The following AAR2 variants were observed in gnomAD, a reference collection of about 807,000 sequenced individuals.
AAR2 encodes AAR2 splicing factor.
A neutral mutation model predicts 26.9 loss-of-function variants in AAR2; 31 were observed. That is an observed-to-expected ratio of 1.15 (90% confidence interval 0.86 to 1.55). The LOEUF is 1.55. Ranked by LOEUF, AAR2 falls within the 40% of genes most tolerant of loss-of-function variation. AAR2 has a pLI of 0.00. For synonymous variants in AAR2, 188 were observed against 196.1 expected (o/e 0.96, Z 0.34); for missense variants, 430 against 491.3 (o/e 0.88, Z 1.18).
At chr20:36,242,484 G>A (rs1257024377) in intron 2 of AAR2, among the ~76,000 whole-genome samples, 5 of 151,876 alleles carry the variant, frequency 3.3e-5, no homozygotes, top group African/African-American at 1.2e-4. Context: ...TCCGCCTCCC[G>A]GGTTCACGCC....
At chr20:36,246,073 T>G (rs1402850888) in intron 3 of AAR2, among the ~76,000 whole-genome samples, 2 of 152,120 alleles carry the variant, frequency 1.3e-5, no homozygotes, top group Non-Finnish European at 2.9e-5. Context: ...TTATTCCCAT[T>G]TTACAAATGG....
At position 36,240,005 on chromosome 20, in the gene AAR2, G is replaced by A. The variant is rs772963408; in HGVS notation, c.137G>A (p.Arg46Gln). 7.2e-5 allele frequency: 117 copies of A among 1,614,070 alleles called. No homozygotes were observed. In the South Asian group the frequency reaches 1.1e-3, roughly 15 times the overall value. ...YNSWEVGPKF[R>Q]GVKMIPPGIH... ...TCCTGGGAGGTCGGGCCCAAGTTCC[G>A]GGGCGTGAAGATGATCCCTCCAGGC... The change falls in exon 2 of 4, where the codon CGG becomes CAG. Residue 46 changes from arginine to glutamine, a missense_variant. Arg to Gln is a conservative substitution (Grantham distance 43). Transcript: ENST00000320849.
At chr20:36,249,484 C>T (rs2064764775) in intron 3 of AAR2, among the ~76,000 whole-genome samples, 1 of 152,140 alleles carries the variant, frequency 6.6e-6, no homozygotes, top group Non-Finnish European at 1.5e-5. Context: ...TTACAATAGG[C>T]CGTATATGCT....
chr20:36,245,186 A>G (rs527310640), intron 3 of AAR2, among the ~76,000 whole-genome samples: 5 of 152,078 alleles, frequency 3.3e-5, no homozygotes, highest in Non-Finnish European at 5.9e-5. Flanking sequence ...AATTCCTCCC[A>G]CTGCTTTGGT....
chr20:36,240,380 A>G lies in AAR2; in HGVS notation c.512A>G (p.Lys171Arg), dbSNP rs778338068. The change falls in exon 2 of 4, where the codon AAG (lysine) becomes AGG (arginine). Residue 171 changes from lysine (K) to arginine (R), a missense_variant. Lys to Arg is a conservative substitution (Grantham distance 26). Transcript: ENST00000320849. Reference sequence around the variant, plus strand: ...CCTGTGCTCTCCATGAAGCACACCAAGGACCGCGTGGGGCAGAATCTACCC... The same window carrying G: ...CCTGTGCTCTCCATGAAGCACACCAGGGACCGCGTGGGGCAGAATCTACCC... ...VLPVLSMKHT[K>R]DRVGQNLPRC... 16 of 1,614,114 alleles carry G rather than the reference A, an allele frequency of 9.9e-6. No homozygotes were observed. The highest frequency in any genetic ancestry group is 1.6e-4 in the Middle Eastern group (1 of 6,084).
At position 36,240,237 on chromosome 20, in the gene AAR2, G is replaced by C; in HGVS notation, c.369G>C (p.Gly123=). ...TCCAGGAGCTGGACCAGTTCCTGGG[G>C]CCTTACCCATATGCCACCCTGAAGA... ...ANLQELDQFL[G]PYPYATLKKW... is the part of the protein sequence containing the mutation. The change falls in exon 2 of 4, where the codon GGG becomes GGC. Residue 123 remains glycine, a synonymous_variant. Transcript: ENST00000320849. 6.2e-7 allele frequency: 1 copy of C among 1,614,214 alleles called. No individual in the cohort carries two copies. The highest frequency in any genetic ancestry group is 1.3e-5 in the African/African-American group (1 of 75,054).
At position 36,240,175 on chromosome 20, in the gene AAR2, GC is replaced by G. The variant is rs754532671; in HGVS notation, c.311del (p.Pro104GlnfsTer8). On this transcript the variant is annotated frameshift_variant, in exon 2 of 4. Transcript: ENST00000320849. LOFTEE classifies it high-confidence loss of function. ...CAGGGAAGAGGTAGACCTGTCCCCA[GC>G]CCCAGAGTCTGAGGTGGAGGCCATG... is the stretch of plus-strand genomic sequence containing the variant. ...TLREEVDLSP[A>X]PESEVEAMRA... The G allele has an allele frequency of 6.2e-6, 10 of 1,614,186 alleles. No individual in the cohort carries two copies. Among genetic ancestry groups the G allele is most frequent in the Non-Finnish European group, 8.5e-6 (10 of 1,180,012 alleles).
At chr20:36,251,666 G>A (rs965913303) in intron 3 of AAR2, among the ~76,000 whole-genome samples, 1 of 152,246 alleles carries the variant, frequency 6.6e-6, no homozygotes, top group African/African-American at 2.4e-5. Flanking sequence ...TCTTACCTCT[G>A]CAGTGGGAAT....
In AAR2 at chr20:36,239,801, C is replaced by T; in HGVS notation, c.-48-20C>T. On this transcript the variant is annotated intron_variant, in intron 1 of 3. Coordinates refer to ENST00000320849, the MANE Select transcript of AAR2 (RefSeq NM_001271874.2). Reference sequence around the variant, plus strand: ...TCTTTCCCCCACGTTCTGATTAACTCTGGTTTCTTTCTTTCTCAGCTGTTC... The same window carrying T: ...TCTTTCCCCCACGTTCTGATTAACTTTGGTTTCTTTCTTTCTCAGCTGTTC... 1.3e-6 allele frequency: 2 copies of T among 1,502,360 alleles called. No homozygotes were observed. Among genetic ancestry groups the T allele is most frequent in the South Asian group, 1.4e-5 (1 of 73,376 alleles). The allele number at this position is 1,502,360 out of a possible 1,614,324, so 93.1% of individuals were successfully genotyped here.
rs138831175 is a variant in AAR2 at position 36,252,247 on chromosome 20, A to G, written c.988-3331A>G. On this transcript the variant is annotated intron_variant, in intron 3 of 3. Transcript: ENST00000320849. ...ATCACCATATCACTATTGAACAGCT[A>G]TTTGGTGCTAGGCACTGTACAAAAG... Among the ~76,000 whole-genome samples the G allele has an allele frequency of 7.9e-5, 12 of 152,270 alleles. No homozygotes were observed. The East Asian group carries it at 1.7e-3, about 22-fold the overall frequency.
rs548506013 is a variant in AAR2, at chr20:36,240,136, C to T, written c.268C>T (p.Arg90Cys). ...SLHQRGLTVL[R>C]WSTLREEVDL... ...GCACCAGCGGGGGCTGACAGTGCTGCGCTGGAGCACACTCAGGGAAGAGGT... is the reference window on the plus strand; with the variant it reads ...GCACCAGCGGGGGCTGACAGTGCTGTGCTGGAGCACACTCAGGGAAGAGGT... Residue 90 changes from arginine to cysteine, a missense_variant, in exon 2 of 4, where the codon CGC becomes TGC. By Grantham distance (180) the Arg-to-Cys change is radical (BLOSUM62 -3). Coordinates refer to ENST00000320849, the MANE Select transcript of AAR2 (RefSeq NM_001271874.2). 160 of 1,614,178 alleles carry T rather than the reference C, an allele frequency of 9.9e-5. 2 individuals are homozygous for T. In the South Asian group the frequency reaches 1.2e-3, roughly 12 times the overall value.
intron 3 of AAR2, among the ~76,000 whole-genome samples, chr20:36,253,977 C>G (rs375078061): frequency 1.3e-5 from 2 of 152,116 alleles, no homozygotes; most frequent in Non-Finnish European, 2.9e-5. Flanking sequence ...AAATGAGAAC[C>G]TTTGTGCATT....
chr20:36,239,904 G>A lies in AAR2; in HGVS notation c.36G>A (p.Lys12=), dbSNP rs1350099527. The A allele has an allele frequency of 5.0e-6, 8 of 1,606,274 alleles. No homozygotes were observed. The highest frequency in any genetic ancestry group is 1.1e-5 in the South Asian group (1 of 90,764). The stretch of plus-strand genomic sequence containing the variant: ...TGCAGATGGATCCTGAGCTAGCCAA[G>A]CGCCTCTTCTTTGAAGGGGCCACTG... ...AAVQMDPELA[K]RLFFEGATVV... is the part of the protein sequence containing the mutation. The change falls in exon 2 of 4, where the codon AAG becomes AAA. Residue 12 remains lysine (K), a synonymous_variant. Transcript: ENST00000320849.
In AAR2 at chr20:36,256,311, C is replaced by G. The variant is rs2064821152; in HGVS notation, c.*566C>G. 6.6e-6 allele frequency: 1 copy of G among 152,466 alleles called. No homozygotes were observed. Among genetic ancestry groups the G allele is most frequent in the Non-Finnish European group, 1.5e-5 (1 of 68,272 alleles). The allele number at this position is 152,466 out of a possible 1,614,324, so 9.4% of individuals were successfully genotyped here. On this transcript the variant is annotated 3_prime_UTR_variant, in exon 4 of 4. Transcript: ENST00000320849. ...GGGAAGAGAGTTTCAAGGGAGGCAG[C>G]TGGATTCAATCTAGCAGGTGGTCAG...
rs1248627071 is a variant in AAR2, at chr20:36,256,675, T to C, written c.*930T>C. ...GCTGTGGAGCTGTCAGTCACCGGAG[T>C]AATGAGCTCCTGGTTCCTCGGGAGT... On this transcript the variant is annotated 3_prime_UTR_variant, in exon 4 of 4. Transcript: ENST00000320849. 6.6e-6 allele frequency: 1 copy of C among 152,354 alleles called. No individual in the cohort carries two copies. The highest frequency in any genetic ancestry group is 2.4e-5 in the African/African-American group (1 of 41,440). 9.4% of individuals were successfully genotyped at this position (152,354 alleles called of 1,614,324 possible).
At chr20:36,241,775 T>C (rs764489578) in intron 2 of AAR2, among the ~76,000 whole-genome samples, 1 of 152,134 alleles carries the variant, frequency 6.6e-6, no homozygotes, top group Admixed American at 6.5e-5. Context: ...AAGAGCCGTC[T>C]CAAAAATATA....
chr20:36,255,445 T>G, intron 3 of AAR2, 133 bp from the exon 4 acceptor site: 1 of 985,154 alleles, frequency 1.0e-6, no homozygotes, highest in Non-Finnish European at 1.5e-6. Flanking sequence ...GCATAGCAGG[T>G]GTCCTGGGCC....
At chr20:36,245,730 A>G (rs1482085429) in intron 3 of AAR2, among the ~76,000 whole-genome samples, 2 of 152,168 alleles carry the variant, frequency 1.3e-5, no homozygotes, top group African/African-American at 2.4e-5. Flanking sequence ...AGCATTCGTT[A>G]AATATTGGGG....
At chr20:36,237,290 G>A (rs1291720944) in intron 1 of AAR2, among the ~76,000 whole-genome samples, 1 of 152,208 alleles carries the variant, frequency 6.6e-6, no homozygotes, top group Admixed American at 6.5e-5. Context: ...GCTGACATGG[G>A]TGGTGTTGTG....
Sources: gnomAD v4.1 joint callset for allele counts (sites outside exome capture counted in the v4.1 genomes callset) on GRCh38, gnomAD v4.1.1 for gene constraint, MANE v1.5 for transcripts, NCBI Gene and HGNC (gene_info 2026-07-23, HGNC 2026-07-21) for gene names.